LRRC47: variants seen among roughly 807,000 people sequenced by gnomAD.
LRRC47 encodes the protein leucine rich repeat containing 47.
Under a neutral mutation model 40.9 loss-of-function variants are expected in LRRC47, and 31 were observed. That is an observed-to-expected ratio of 0.76 (90% CI 0.57 to 1.02). The LOEUF (loss-of-function observed/expected upper bound fraction) is 1.02. Among genes scored for constraint, LRRC47 ranks in the 50% least tolerant of loss-of-function variants. The pLI is 0.00. For missense variants in LRRC47, 726 were observed against 796.1 expected (o/e 0.91, Z 1.06); for synonymous variants, 427 against 371.9 (o/e 1.15, Z -1.70).
chr1:3,782,062 C>G (rs1228448420), intron 5 of LRRC47, among the ~76,000 whole-genome samples: 1 of 152,140 alleles, frequency 6.6e-6, no homozygotes, highest in Non-Finnish European at 1.5e-5. Context: ...CACAGCATCC[C>G]GGGCCGTCAC....
rs763254452 is a variant in LRRC47 at position 3,784,004 on chromosome 1, G to C, written c.1302C>G (p.Gly434=). 1 of 1,606,426 alleles carries C rather than the reference G, an allele frequency of 6.2e-7. No homozygotes were observed. The highest frequency in any genetic ancestry group is 1.7e-5 in the Admixed American group (1 of 59,944). The change falls in exon 4 of 7, where the codon GGC becomes GGG. Residue 434 remains glycine (G), a synonymous_variant. Coordinates refer to ENST00000378251, the MANE Select transcript of LRRC47 (RefSeq NM_020710.3). ...RKQKKRQSVS[G]LHRYLHLLDG... is the part of the protein sequence containing the mutation. ...CCAGGCACGCTGCCCACCTGTGCAG[G>C]CCCGACACACTCTGCCGCTTCTTCT...
At chr1:3,787,721 G>C (rs1473812969) in intron 1 of LRRC47, among the ~76,000 whole-genome samples, 1 of 152,204 alleles carries the variant, frequency 6.6e-6, no homozygotes. Context: ...GCTCAGGTGA[G>C]AAGCAGGTTC....
rs1166552442 is a variant in LRRC47, at chr1:3,785,217, G to A, written c.1078-14C>T. 1 of 1,509,456 alleles carries A rather than the reference G, an allele frequency of 6.6e-7. No individual in the cohort carries two copies. The highest frequency in any genetic ancestry group is 8.9e-7 in the Non-Finnish European group (1 of 1,123,872). The allele number at this position is 1,509,456 out of a possible 1,614,324, so 93.5% of individuals were successfully genotyped here. ...GTGGAGCTTGGTCTGTAACACAGAA[G>A]CAGTGATGAGCAAGGTCTCTTGTGC... is the stretch of plus-strand genomic sequence containing the variant. On this transcript the variant is annotated splice_polypyrimidine_tract_variant and intron_variant, in intron 2 of 6. Coordinates refer to ENST00000378251, the MANE Select transcript of LRRC47 (RefSeq NM_020710.3).
chr1:3,794,664 T>C (rs1169079101), intron 1 of LRRC47, among the ~76,000 whole-genome samples: 1 of 151,878 alleles, frequency 6.6e-6, no homozygotes, highest in African/African-American at 2.4e-5. Flanking sequence ...TATCCTTATA[T>C]AGATATGTTA....
At chr1:3,787,366 G>T in intron 1 of LRRC47, 56 bp from the exon 2 acceptor site, 1 of 1,508,050 alleles carries the variant, frequency 6.6e-7, no homozygotes, top group Non-Finnish European at 8.9e-7. Context: ...GAGAGTCCAA[G>T]GTCATGCTCG....
chr1:3,782,261 A>G (rs1643527779), intron 5 of LRRC47, among the ~76,000 whole-genome samples: 1 of 150,400 alleles, frequency 6.6e-6, no homozygotes, highest in Admixed American at 6.6e-5. Flanking sequence ...CTTGTTGCCC[A>G]GGCTGGAGTG....
At chr1:3,783,111 A>C (rs1413824753) in intron 4 of LRRC47, 1 of 102,502 alleles carries the variant, frequency 9.8e-6, no homozygotes, top group South Asian at 2.9e-4. Context: ...ACCACATCTT[A>C]AAAAAAAAAA....
chr1:3,785,872 CTTTTTTTTT>C (rs35626368), intron 2 of LRRC47, among the ~76,000 whole-genome samples: 1 of 141,684 alleles, frequency 7.1e-6, no homozygotes, highest in Non-Finnish European at 1.5e-5. Context: ...CCTGATTTTC[CTTTTTTTTT>C]TTTTTTGAGA....
intron 1 of LRRC47, among the ~76,000 whole-genome samples, chr1:3,791,527 G>A (rs1455232111): frequency 6.6e-6 from 1 of 152,122 alleles, no homozygotes; most frequent in Admixed American, 6.5e-5. Context: ...CACCATCTTG[G>A]CTCACCGAAA....
At position 3,784,116 on chromosome 1, in the gene LRRC47, C is replaced by T. The variant is rs200587617; in HGVS notation, c.1195-5G>A. On this transcript the variant is annotated splice_polypyrimidine_tract_variant and splice_region_variant and intron_variant, in intron 3 of 6. Coordinates refer to ENST00000378251, the MANE Select transcript of LRRC47 (RefSeq NM_020710.3). ...TTTCCGCCCCAAGGGGACAATCTAT[C>T]GGGCAGAAACCCACAAACTCCACTA... 345 of 1,603,262 alleles carry T rather than the reference C, an allele frequency of 2.2e-4. 1 individual carries two copies. In the African/African-American group the frequency reaches 3.8e-3, roughly 18 times the overall value.
Position 3,796,299 on chromosome 1 carries a change from A to C in LRRC47, c.178T>G (p.Cys60Gly), listed in dbSNP as rs867569936. Reference protein sequence around the residue: ...PLLHYLEVSGCGSLRAPGPGL... With the variant: ...PLLHYLEVSGGGSLRAPGPGL... The stretch of plus-strand genomic sequence containing the variant: ...GGCCCCGGCGCGCGCAAGCTCCCGC[A>C]GCCGCTCACTTCCAAGTAGTGCAGC... Residue 60 changes from cysteine to glycine, a missense_variant, in exon 1 of 7, where the codon TGC becomes GGC. Physicochemically the swap from Cys to Gly is radical, Grantham distance 159. Coordinates refer to ENST00000378251, the MANE Select transcript of LRRC47 (RefSeq NM_020710.3). 6.7e-7 allele frequency: 1 copy of C among 1,485,752 alleles called. No individual in the cohort carries two copies. The highest frequency in any genetic ancestry group is 2.9e-5 in the East Asian group (1 of 34,982). The allele number at this position is 1,485,752 out of a possible 1,614,324, so 92.0% of individuals were successfully genotyped here.
intron 2 of LRRC47, 87 bp from the exon 3 acceptor site, chr1:3,785,290 T>C: frequency 2.0e-6 from 2 of 983,166 alleles, no homozygotes; most frequent in South Asian, 4.2e-5. Context: ...CTGGGCTGTG[T>C]GCCAGGAAAC....
chr1:3,787,341 C>A, intron 1 of LRRC47, 31 bp from the exon 2 acceptor site: 1 of 1,577,438 alleles, frequency 6.3e-7, no homozygotes, highest in Non-Finnish European at 8.6e-7. Flanking sequence ...GCGTCAGACG[C>A]CCGGACTCTG....
At position 3,781,033 on chromosome 1, in the gene LRRC47, C is replaced by T. The variant is rs1570733951; in HGVS notation, c.*55G>A. ...AATCTAACGGATAATTCAGCATTGC[C>T]GCATAGAAACCTCCGCAAAACCGGC... On this transcript the variant is annotated 3_prime_UTR_variant, in exon 7 of 7. Coordinates refer to ENST00000378251, the MANE Select transcript of LRRC47 (RefSeq NM_020710.3). The T allele has an allele frequency of 3.9e-5, 61 of 1,580,316 alleles. No individual in the cohort carries two copies. The highest frequency in any genetic ancestry group is 6.8e-5 in the East Asian group (3 of 44,334).
chr1:3,788,008 C>T (rs1055433189), intron 1 of LRRC47, among the ~76,000 whole-genome samples: 2 of 152,230 alleles, frequency 1.3e-5, no homozygotes, highest in Admixed American at 6.5e-5. Context: ...TTTCTATGAC[C>T]GTGACTGATC....
intron 1 of LRRC47, among the ~76,000 whole-genome samples, chr1:3,789,434 G>T (rs1043190228): frequency 6.6e-6 from 1 of 152,268 alleles, no homozygotes; most frequent in Non-Finnish European, 1.5e-5. Context: ...CACGCAGTGC[G>T]GCGTCTCCCT....
At chr1:3,783,862 C>T in intron 4 of LRRC47, 134 bp downstream of exon 4, 1 of 686,346 alleles carries the variant, frequency 1.5e-6, no homozygotes, top group East Asian at 2.7e-5. Flanking sequence ...AGAATGCTTT[C>T]TTTGTACCCT....
At position 3,780,183 on chromosome 1, in the gene LRRC47, C is replaced by T. The variant is rs1337948915; in HGVS notation, c.*905G>A. On this transcript the variant is annotated 3_prime_UTR_variant, in exon 7 of 7. Transcript: ENST00000378251. Reference sequence around the variant, plus strand: ...GACACATGAGAAACGTGTGCTTAGCCGCTGCTGTGTGATCACAGAGTCTTT... The same window carrying T: ...GACACATGAGAAACGTGTGCTTAGCTGCTGCTGTGTGATCACAGAGTCTTT... 3.3e-5 allele frequency: 5 copies of T among 150,506 alleles called. No individual in the cohort carries two copies. Among genetic ancestry groups the T allele is most frequent in the Admixed American group, 1.3e-4 (2 of 15,096 alleles). The allele number at this position is 150,506 out of a possible 1,614,324, so 9.3% of individuals were successfully genotyped here.
chr1:3,782,446 C>T (rs970758098), intron 5 of LRRC47, among the ~76,000 whole-genome samples: 5 of 152,120 alleles, frequency 3.3e-5, no homozygotes, highest in South Asian at 2.1e-4. Context: ...AGGCATGCAC[C>T]GCCACGCCCG....
Sources: allele counts gnomAD v4.1 joint callset (sites outside exome capture counted in the v4.1 genomes callset), GRCh38; gene constraint gnomAD v4.1.1; transcripts MANE v1.5; gene names NCBI Gene and HGNC (gene_info 2026-07-23, HGNC 2026-07-21).